The following HS2ST1 variants were observed in gnomAD, a reference collection of about 807,000 sequenced individuals.
HS2ST1 encodes the protein 2-O-sulfotransferase.
Under a neutral mutation model 42.9 loss-of-function variants are expected in HS2ST1, and 18 were observed. The observed-to-expected ratio is 0.42, with a 90% CI of 0.29 to 0.62. HS2ST1 has a LOEUF of 0.62. Ranked by LOEUF, HS2ST1 falls within the 20% of genes least tolerant of loss-of-function variation. The pLI, the probability that HS2ST1 is intolerant of heterozygous loss-of-function variation, is 0.21. For missense variants in HS2ST1, 334 were observed against 433.8 expected (o/e 0.77, Z 2.04); for synonymous variants, 146 against 152.9 (o/e 0.95, Z 0.33).
chr1:87,039,473 G>A (rs1650467900), intron 1 of HS2ST1, among the ~76,000 whole-genome samples: 1 of 152,166 alleles, frequency 6.6e-6, no homozygotes, highest in Non-Finnish European at 1.5e-5. Context: ...CAGCCCCACT[G>A]CAAAAGAATA....
intron 1 of HS2ST1, among the ~76,000 whole-genome samples, chr1:86,938,203 C>T (rs1422627493): frequency 6.6e-6 from 1 of 152,100 alleles, no homozygotes; most frequent in African/African-American, 2.4e-5. Context: ...AGAGACATCT[C>T]TTTTTCCCCC....
At chr1:87,025,578 T>C (rs1650063215) in intron 1 of HS2ST1, among the ~76,000 whole-genome samples, 1 of 152,172 alleles carries the variant, frequency 6.6e-6, no homozygotes, top group African/African-American at 2.4e-5. Flanking sequence ...AACACCAAAT[T>C]TATGTATTTT....
At chr1:86,985,843 A>T (rs1648767869) in intron 1 of HS2ST1, among the ~76,000 whole-genome samples, 1 of 152,076 alleles carries the variant, frequency 6.6e-6, no homozygotes, top group Admixed American at 6.6e-5. Flanking sequence ...GGTACTTAAA[A>T]TTTTAATCTA....
intron 1 of HS2ST1, among the ~76,000 whole-genome samples, chr1:87,046,992 G>A (rs1650693670): frequency 6.6e-6 from 1 of 151,588 alleles, no homozygotes; most frequent in South Asian, 2.1e-4. Flanking sequence ...ACAGGCACAA[G>A]CCACTGCGCC....
At chr1:87,056,344 C>T (rs1650969211) in intron 1 of HS2ST1, among the ~76,000 whole-genome samples, 1 of 152,134 alleles carries the variant, frequency 6.6e-6, no homozygotes, top group Non-Finnish European at 1.5e-5. Context: ...TTGAACTTGC[C>T]AGCCTAAAGA....
At chr1:86,922,407 G>T (rs1192902064) in intron 1 of HS2ST1, among the ~76,000 whole-genome samples, 1 of 144,876 alleles carries the variant, frequency 6.9e-6, no homozygotes, top group African/African-American at 2.8e-5. Context: ...ACCATTCCCA[G>T]TGTTCTTCAT....
At chr1:87,089,389 G>A (rs1255431533) in intron 3 of HS2ST1, among the ~76,000 whole-genome samples, 3 of 152,018 alleles carry the variant, frequency 2.0e-5, no homozygotes, top group Non-Finnish European at 4.4e-5. Flanking sequence ...GGAAGATCGT[G>A]TTCTAACAGG....
rs539198529 is a variant in HS2ST1 at position 86,960,740 on chromosome 1, G to A, written c.124+45580G>A. Among the ~76,000 whole-genome samples, 4 of 152,288 alleles carry A rather than the reference G, an allele frequency of 2.6e-5. No individual in the cohort carries two copies. In the South Asian group the frequency reaches 8.3e-4, roughly 32 times the overall value. On this transcript the variant is annotated intron_variant, in intron 1 of 6. Transcript: ENST00000370550. ...ACAGTGAGATACTATACACCTATTA[G>A]AGTGATGAAAATTCCAGACACTGAC...
chr1:86,914,790 G>A lies in HS2ST1; in HGVS notation c.-247G>A. On this transcript the variant is annotated 5_prime_UTR_variant, in exon 1 of 7. Transcript: ENST00000370550. ...CGGCAGCCGCTTCGCGCTGTTTGCTGCGCGGGCTTTTGGAGGGGGCGGCCG... is the reference window on the plus strand; with the variant it reads ...CGGCAGCCGCTTCGCGCTGTTTGCTACGCGGGCTTTTGGAGGGGGCGGCCG... 1.8e-6 allele frequency: 1 copy of A among 541,810 alleles called. No individual in the cohort carries two copies. Among genetic ancestry groups the A allele is most frequent in the Admixed American group, 3.4e-5 (1 of 29,062 alleles). The allele number at this position is 541,810 out of a possible 1,614,324, so 33.6% of individuals were successfully genotyped here. A position where few individuals can be genotyped will look rare whatever the true frequency, so the allele number is the denominator to read the frequency against.
At position 87,104,735 on chromosome 1, in the gene HS2ST1, G is replaced by T; in HGVS notation, c.*39G>T. 7.8e-7 allele frequency: 1 copy of T among 1,283,812 alleles called. No individual in the cohort carries two copies. Among genetic ancestry groups the T allele is most frequent in the South Asian group, 1.2e-5 (1 of 82,878 alleles). 79.5% of individuals were successfully genotyped at this position (1,283,812 alleles called of 1,614,324 possible). On this transcript the variant is annotated 3_prime_UTR_variant, in exon 7 of 7. Coordinates refer to ENST00000370550, the MANE Select transcript of HS2ST1 (RefSeq NM_012262.4). ...CTATTGGATTCTTGAACTAAAATTT[G>T]ACCCTGTCTTCACCTTTGTTCTCAG...
chr1:87,023,321 TA>T (rs1480174154), intron 1 of HS2ST1, among the ~76,000 whole-genome samples: 2 of 152,018 alleles, frequency 1.3e-5, no homozygotes, highest in African/African-American at 4.8e-5. Flanking sequence ...TTTTTTGTCA[TA>T]AAAAAAGATC....
In HS2ST1 at chr1:87,108,433, T is replaced by C. The variant is rs1652382764; in HGVS notation, c.*3737T>C. ...TTTATGATTTGAGTTGGCCTCTTCATAAATTAGTGCTGTTTACTTTCAGAG... is the reference window on the plus strand; with the variant it reads ...TTTATGATTTGAGTTGGCCTCTTCACAAATTAGTGCTGTTTACTTTCAGAG... On this transcript the variant is annotated 3_prime_UTR_variant, in exon 7 of 7. Transcript: ENST00000370550. 1 of 152,136 alleles carries C rather than the reference T, an allele frequency of 6.6e-6. No individual in the cohort carries two copies. The highest frequency in any genetic ancestry group is 1.5e-5 in the Non-Finnish European group (1 of 67,974). 9.4% of individuals were successfully genotyped at this position (152,136 alleles called of 1,614,324 possible).
At chr1:87,054,148 G>C (rs150403987) in intron 1 of HS2ST1, among the ~76,000 whole-genome samples, 209 of 152,090 alleles carry the variant, frequency 1.4e-3, no homozygotes, top group South Asian at 4.6e-3. Flanking sequence ...AATACATATG[G>C]AATCAGAGTT....
At chr1:86,983,152 A>G (rs1648647213) in intron 1 of HS2ST1, among the ~76,000 whole-genome samples, 1 of 152,192 alleles carries the variant, frequency 6.6e-6, no homozygotes, top group South Asian at 2.1e-4. Flanking sequence ...ACCCAGTTCC[A>G]ACATCACTTC....
At chr1:87,066,816 A>T (rs935495143) in intron 1 of HS2ST1, among the ~76,000 whole-genome samples, 5 of 151,862 alleles carry the variant, frequency 3.3e-5, no homozygotes, top group Admixed American at 3.3e-4. Flanking sequence ...GAGTGAGAAC[A>T]TGTGGTGTTT....
At chr1:87,038,669 G>C (rs1347825747) in intron 1 of HS2ST1, among the ~76,000 whole-genome samples, 1 of 152,078 alleles carries the variant, frequency 6.6e-6, no homozygotes, top group Non-Finnish European at 1.5e-5. Context: ...TTACATAAAG[G>C]CAAGACAAAG....
Position 86,921,590 on chromosome 1 carries a change from C to T in HS2ST1, c.124+6430C>T, listed in dbSNP as rs986105330. 1.1e-4 allele frequency among the ~76,000 whole-genome samples: 16 copies of T among 152,176 alleles called. No individual in the cohort carries two copies. In the South Asian group the frequency reaches 1.2e-3, roughly 12 times the overall value. On this transcript the variant is annotated intron_variant, in intron 1 of 6. Coordinates refer to ENST00000370550, the MANE Select transcript of HS2ST1 (RefSeq NM_012262.4). ...AATACTGTTATAAAAGAGCTTGTGGCAGTGTGTTCTCTTTTTTCTACGTAA... is the reference window on the plus strand; with the variant it reads ...AATACTGTTATAAAAGAGCTTGTGGTAGTGTGTTCTCTTTTTTCTACGTAA...
At chr1:87,085,441 A>G (rs1416572418) in intron 3 of HS2ST1, among the ~76,000 whole-genome samples, 1 of 152,212 alleles carries the variant, frequency 6.6e-6, no homozygotes. Flanking sequence ...TTAAAAAAGA[A>G]TCACCCAAAT....
chr1:86,970,609 G>T lies in HS2ST1; in HGVS notation c.124+55449G>T, dbSNP rs1330177087. 2.6e-5 allele frequency among the ~76,000 whole-genome samples: 4 copies of T among 152,086 alleles called. No individual in the cohort carries two copies. In the East Asian group the frequency reaches 7.7e-4, roughly 29 times the overall value. On this transcript the variant is annotated intron_variant, in intron 1 of 6. Transcript: ENST00000370550. ...GGGTTTCACCATGTTGGCCAGGCTG[G>T]TCTCGAACACCTGACCTCAAGTGAT...
Sources: gnomAD v4.1 joint callset for allele counts (sites outside exome capture counted in the v4.1 genomes callset) on GRCh38, gnomAD v4.1.1 for gene constraint, MANE v1.5 for transcripts, NCBI Gene and HGNC (gene_info 2026-07-23, HGNC 2026-07-21) for gene names.